CCDC66: variants seen among roughly 807,000 people sequenced by gnomAD.
The protein encoded by CCDC66 is coiled-coil domain-containing protein 66.
CCDC66 carries 133 observed loss-of-function variants against 128.3 expected under a neutral mutation model. The ratio of observed to expected loss-of-function variants is 1.04; its 90% CI spans 0.90 to 1.20. The LOEUF (loss-of-function observed/expected upper bound fraction) is 1.20. Ranked by LOEUF, CCDC66 falls within the 50% of genes most tolerant of loss-of-function variation. The pLI is 0.00. For missense variants in CCDC66, 1,126 were observed against 1,075.5 expected, an observed-to-expected ratio of 1.05 and a Z score of -0.66; for synonymous variants, 387 against 357.0, an observed-to-expected ratio of 1.08 and a Z score of -0.95.
intron 17 of CCDC66, 61 bp from the exon 18 acceptor site, chr3:56,621,471 C>T: frequency 3.7e-6 from 4 of 1,084,570 alleles, no homozygotes; most frequent in East Asian, 5.0e-5. Flanking sequence ...TCTAGTTTAA[C>T]ACAACATTGC....
intron 7 of CCDC66, among the ~76,000 whole-genome samples, chr3:56,587,241 G>T (rs2069944442): frequency 6.6e-6 from 1 of 151,812 alleles, no homozygotes; most frequent in African/African-American, 2.4e-5. Context: ...AATTTATTAG[G>T]CTATAAAAGT....
Position 56,564,005 on chromosome 3 carries a change from G to T in CCDC66, c.424G>T (p.Ala142Ser), listed in dbSNP as rs1250243174. Residue 142 changes from alanine to serine, a missense_variant, in exon 4 of 18, where the codon GCT (alanine) becomes TCT (serine). Transcript: ENST00000394672. ...GAAGCCTCACAAAAAACACATCACAGCTGAAAACATGAAGAGCAGTTTGGT... is the reference window on the plus strand; with the variant it reads ...GAAGCCTCACAAAAAACACATCACATCTGAAAACATGAAGAGCAGTTTGGT... ...KQKPHKKHIT[A>S]ENMKSSLVCL... The T allele has an allele frequency of 1.2e-6, 2 of 1,613,960 alleles. No individual in the cohort carries two copies. Among genetic ancestry groups the T allele is most frequent in the Admixed American group, 3.3e-5 (2 of 60,012 alleles).
At position 56,581,760 on chromosome 3, in the gene CCDC66, G is replaced by C. The variant is rs1323049601; in HGVS notation, c.936+10458G>C. 1.3e-5 allele frequency among the ~76,000 whole-genome samples: 2 copies of C among 151,794 alleles called. 1 individual carries two copies. Among genetic ancestry groups the C allele is most frequent in the East Asian group, 4.0e-4 (2 of 5,056 alleles). On this transcript the variant is annotated intron_variant, in intron 7 of 17. Coordinates refer to ENST00000394672, the MANE Select transcript of CCDC66 (RefSeq NM_001141947.3). The stretch of plus-strand genomic sequence containing the variant: ...TGCAGAACAGCAAATGTTGCTGTCT[G>C]ATCCTTCTTCTGGAAGCTTCATCTC...
intron 10 of CCDC66, among the ~76,000 whole-genome samples, chr3:56,595,344 T>A (rs2071683846): frequency 6.6e-6 from 1 of 152,172 alleles, no homozygotes; most frequent in Non-Finnish European, 1.5e-5. Context: ...CTTATTCCTT[T>A]CATCTAACCA....
intron 10 of CCDC66, among the ~76,000 whole-genome samples, chr3:56,594,611 A>T (rs991872047): frequency 4.6e-5 from 7 of 151,726 alleles, no homozygotes; most frequent in African/African-American, 1.7e-4. Flanking sequence ...TGAACCTGGG[A>T]GGCAGAGCTT....
chr3:56,567,878 G>A (rs868809625), intron 6 of CCDC66, among the ~76,000 whole-genome samples: 2 of 152,158 alleles, frequency 1.3e-5, no homozygotes, highest in African/African-American at 4.8e-5. Context: ...TTTTAGTAGA[G>A]ACGGGGTTTC....
intron 7 of CCDC66, among the ~76,000 whole-genome samples, chr3:56,582,674 T>A (rs2068605766): frequency 6.6e-6 from 1 of 151,656 alleles, no homozygotes; most frequent in Non-Finnish European, 1.5e-5. Flanking sequence ...TTTTAGAATC[T>A]TAGTGATGGT....
chr3:56,564,080 G>A lies in CCDC66; in HGVS notation c.499G>A (p.Gly167Arg), dbSNP rs1429035197. The change falls in exon 4 of 18, where the codon GGA becomes AGA. Residue 167 changes from glycine (G) to arginine (R), a missense_variant. Gly to Arg is a moderately radical substitution (Grantham distance 125). Coordinates refer to ENST00000394672, the MANE Select transcript of CCDC66 (RefSeq NM_001141947.3). ...ACAGATTTTGATGACTGTAAACCAA[G>A]GAAATAGATCTCTTTCCCTGACTGA... Reference protein sequence around the residue: ...LQQILMTVNQGNRSLSLTENG... With the variant: ...LQQILMTVNQRNRSLSLTENG... 33 of 1,611,490 alleles carry A rather than the reference G, an allele frequency of 2.0e-5. No homozygotes were observed. The highest frequency in any genetic ancestry group is 2.7e-5 in the African/African-American group (2 of 74,818).
intron 10 of CCDC66, among the ~76,000 whole-genome samples, chr3:56,599,956 T>C (rs1339164603): frequency 1.3e-5 from 2 of 152,056 alleles, no homozygotes; most frequent in African/African-American, 2.4e-5. Flanking sequence ...CTTGTGTTAG[T>C]TTGCTGAGAA....
chr3:56,575,465 A>T (rs1273476296), intron 7 of CCDC66, among the ~76,000 whole-genome samples: 1 of 151,622 alleles, frequency 6.6e-6, no homozygotes, highest in Non-Finnish European at 1.5e-5. Context: ...GAGTTGTAGG[A>T]GTTATATATT....
intron 7 of CCDC66, among the ~76,000 whole-genome samples, chr3:56,584,144 G>T (rs1297185891): frequency 7.1e-6 from 1 of 139,916 alleles, no homozygotes; most frequent in African/African-American, 2.5e-5. Context: ...GGGGCGGCTG[G>T]CCGGGCGGGG....
chr3:56,582,646 A>G (rs1361197071), intron 7 of CCDC66, among the ~76,000 whole-genome samples: 3 of 151,658 alleles, frequency 2.0e-5, no homozygotes, highest in Non-Finnish European at 2.9e-5. Flanking sequence ...ACTTTGCTGA[A>G]TTTATTCTAA....
At chr3:56,603,344 C>T (rs1395105125) in intron 10 of CCDC66, among the ~76,000 whole-genome samples, 1 of 151,858 alleles carries the variant, frequency 6.6e-6, no homozygotes, top group Admixed American at 6.6e-5. Flanking sequence ...AATTTGTTTG[C>T]TCTTGTTTCT....
intron 12 of CCDC66, 146 bp downstream of exon 12, chr3:56,615,418 AT>A: frequency 5.4e-6 from 4 of 738,708 alleles, no homozygotes; most frequent in Non-Finnish European, 6.2e-6. Context: ...GCAACCTCAT[AT>A]TTTTTGTAGA....
chr3:56,610,877 G>A (rs62256022), intron 10 of CCDC66, among the ~76,000 whole-genome samples: 7,516 of 152,228 alleles, frequency 0.049, 193 homozygotes, highest in East Asian at 0.09. Context: ...ACTTGGCTCC[G>A]GGCTGGTGCT....
chr3:56,580,570 G>A lies in CCDC66; in HGVS notation c.936+9268G>A, dbSNP rs1443762739. On this transcript the variant is annotated intron_variant, in intron 7 of 17. Coordinates refer to ENST00000394672, the MANE Select transcript of CCDC66 (RefSeq NM_001141947.3). The stretch of plus-strand genomic sequence containing the variant: ...TACCGGTTGTTCCTTTCCATGTTTA[G>A]TGCTTCCTTCAGGAGCTCTTGTAAG... Among the ~76,000 whole-genome samples, 7 of 151,890 alleles carry A rather than the reference G, an allele frequency of 4.6e-5. 1 individual carries two copies. Among genetic ancestry groups the A allele is most frequent in the Admixed American group, 4.0e-4 (6 of 15,114 alleles).
At chr3:56,584,953 G>A (rs1308576688) in intron 7 of CCDC66, among the ~76,000 whole-genome samples, 1 of 151,916 alleles carries the variant, frequency 6.6e-6, no homozygotes, top group African/African-American at 2.4e-5. Flanking sequence ...CCAGTCAGGC[G>A]TGGCGGCACA....
At chr3:56,614,516 A>G (rs1164847614) in intron 11 of CCDC66, among the ~76,000 whole-genome samples, 1 of 152,214 alleles carries the variant, frequency 6.6e-6, no homozygotes. Context: ...TAAAAAGTAG[A>G]TACCTAGTTG....
intron 7 of CCDC66, among the ~76,000 whole-genome samples, chr3:56,589,402 G>T (rs1172986249): frequency 2.0e-5 from 3 of 152,066 alleles, no homozygotes; most frequent in African/African-American, 7.2e-5. Context: ...TATAAGGGTA[G>T]TAAACCTGAT....
Sources: allele counts gnomAD v4.1 joint callset (sites outside exome capture counted in the v4.1 genomes callset), GRCh38; gene constraint gnomAD v4.1.1; transcripts MANE v1.5; gene names NCBI Gene and HGNC (gene_info 2026-07-23, HGNC 2026-07-21).